Variants in REV3L observed in about 807,000 individuals in gnomAD.
REV3L encodes the protein DNA polymerase zeta catalytic subunit.
Under a neutral mutation model 299.4 loss-of-function variants are expected in REV3L, and 69 were observed. That is an observed-to-expected ratio of 0.23 (90% confidence interval 0.19 to 0.28). The LOEUF is 0.28. Among genes scored for constraint, REV3L ranks in the 10% least tolerant of loss-of-function variants. REV3L has a pLI of 1.00. For missense variants in REV3L, 3,128 were observed against 3,693.8 expected (o/e 0.85, Z 3.97); for synonymous variants, 1,238 against 1,271.4 (o/e 0.97, Z 0.56).
rs1793864458 is a variant in REV3L, at chr6:111,482,501, T to G, written c.139+249A>C. On this transcript the variant is annotated intron_variant, in intron 1 of 31. Transcript: ENST00000368802. ...CCGCTCCCGGCCGCCACACGCAGTC[T>G]AAACACGCGGCGCTCGCCACCTCCC... is the stretch of plus-strand genomic sequence containing the variant. Among the ~76,000 whole-genome samples, 3 of 150,018 alleles carry G rather than the reference T, an allele frequency of 2.0e-5. No homozygotes were observed. The East Asian group carries it at 6.1e-4, about 30-fold the overall frequency.
chr6:111,372,854 C>T lies in REV3L; in HGVS notation c.5501G>A (p.Cys1834Tyr), dbSNP rs1250656544. ...SPDGELVDVA[C>Y]EDLELYVSRN... ...TGAAACATACAGTTCTAAATCTTCA[C>T]AGGCCACGTCTACAAGTTCACCATC... The change falls in exon 13 of 32, where the codon TGT becomes TAT. Residue 1834 changes from cysteine (C) to tyrosine (Y), a missense_variant. Coordinates refer to ENST00000368802, the MANE Select transcript of REV3L (RefSeq NM_001372078.1). The T allele has an allele frequency of 1.2e-6, 2 of 1,614,142 alleles. No individual in the cohort carries two copies. The highest frequency in any genetic ancestry group is 1.7e-5 in the Admixed American group (1 of 60,018).
chr6:111,359,276 A>G (rs1229261740), intron 16 of REV3L, among the ~76,000 whole-genome samples: 2 of 152,142 alleles, frequency 1.3e-5, no homozygotes, highest in Admixed American at 6.5e-5. Context: ...TATATGCAGG[A>G]TCTCTCAATG....
chr6:111,408,246 TAA>T (rs1292264388), intron 3 of REV3L, among the ~76,000 whole-genome samples: 2 of 152,072 alleles, frequency 1.3e-5, no homozygotes, highest in East Asian at 1.9e-4. Flanking sequence ...AAGAAAGCCT[TAA>T]GAGAGCTTTA....
intron 21 of REV3L, among the ~76,000 whole-genome samples, chr6:111,342,694 C>G (rs1238958085): frequency 6.6e-6 from 1 of 150,872 alleles, no homozygotes; most frequent in Non-Finnish European, 1.5e-5. Flanking sequence ...ACAGGAAGAT[C>G]CAAAGACTGA....
chr6:111,360,227 T>C (rs1778506825), intron 16 of REV3L, among the ~76,000 whole-genome samples: 1 of 152,074 alleles, frequency 6.6e-6, no homozygotes, highest in Non-Finnish European at 1.5e-5. Context: ...ATCACTATAA[T>C]ACACTGATAC....
intron 26 of REV3L, chr6:111,315,632 T>G: frequency 2.2e-6 from 1 of 445,210 alleles, no homozygotes. Context: ...ATCCCAGTAG[T>G]CAAGAAAGTC....
intron 18 of REV3L, chr6:111,353,728 T>C (rs977234780): frequency 1.3e-5 from 2 of 152,184 alleles, no homozygotes; most frequent in Non-Finnish European, 2.9e-5. Context: ...TCCAGAAAGA[T>C]CCCAGGGCAC....
chr6:111,376,379 A>C lies in REV3L; in HGVS notation c.1976T>G (p.Ile659Ser), dbSNP rs999393043. ...TGGAATATCTTCTTCATAATCAAAA[A>C]TACTACTTTCACAGGAAGATACTGG... is the stretch of plus-strand genomic sequence containing the variant. ...ILPVSSCESSIFDYEEDIPSV... is the reference protein window; with the variant it reads ...ILPVSSCESSSFDYEEDIPSV... Residue 659 changes from isoleucine (I) to serine (S), a missense_variant, in exon 13 of 32, where the codon ATT (isoleucine) becomes AGT (serine). Physicochemically the swap from Ile to Ser is moderately radical, Grantham distance 142. Coordinates refer to ENST00000368802, the MANE Select transcript of REV3L (RefSeq NM_001372078.1). 1.2e-6 allele frequency: 2 copies of C among 1,612,546 alleles called. No individual in the cohort carries two copies. Among genetic ancestry groups the C allele is most frequent in the Non-Finnish European group, 8.5e-7 (1 of 1,179,560 alleles).
intron 1 of REV3L, among the ~76,000 whole-genome samples, chr6:111,479,434 G>T (rs1793342352): frequency 6.6e-6 from 1 of 150,986 alleles, no homozygotes; most frequent in South Asian, 2.1e-4. Flanking sequence ...GATTCCCTTA[G>T]GAATCAATAT....
At position 111,380,636 on chromosome 6, in the gene REV3L, A is replaced by T. The variant is rs17539546; in HGVS notation, c.1217-417T>A. 8.4e-4 allele frequency among the ~76,000 whole-genome samples: 128 copies of T among 152,366 alleles called. No individual in the cohort carries two copies. The East Asian group carries it at 0.016, about 20-fold the overall frequency. ...CATAGATACTGGCACAGGCTGAAAG[A>T]ATACAGTTGGTACAAAGGCTCAGGT... On this transcript the variant is annotated intron_variant, in intron 10 of 31. Coordinates refer to ENST00000368802, the MANE Select transcript of REV3L (RefSeq NM_001372078.1).
At chr6:111,351,399 C>T (rs1205974890) in intron 19 of REV3L, among the ~76,000 whole-genome samples, 3 of 151,796 alleles carry the variant, frequency 2.0e-5, no homozygotes, top group African/African-American at 4.8e-5. Context: ...ATGGAATATA[C>T]GGTATGATTA....
rs771021121 is a variant in REV3L at position 111,436,683 on chromosome 6, T to C, written c.140-20211A>G. ...TGATTAAGGGGTACAAATATAGAGT[T>C]TGATAGAAGAAACAAGACCTAGTGT... On this transcript the variant is annotated intron_variant, in intron 1 of 31. Transcript: ENST00000368802. 4.6e-5 allele frequency among the ~76,000 whole-genome samples: 7 copies of C among 152,014 alleles called. No individual in the cohort carries two copies. The East Asian group carries it at 9.6e-4, about 21-fold the overall frequency.
At chr6:111,467,306 T>C (rs774649967) in intron 1 of REV3L, among the ~76,000 whole-genome samples, 41 of 152,240 alleles carry the variant, frequency 2.7e-4, no homozygotes, top group Non-Finnish European at 5.3e-4. Flanking sequence ...TGCCACCTTC[T>C]TCCTGGCTTC....
chr6:111,419,968 C>T (rs912221919), intron 1 of REV3L, among the ~76,000 whole-genome samples: 2 of 152,088 alleles, frequency 1.3e-5, no homozygotes, highest in Admixed American at 1.3e-4. Context: ...CCTCAGCCTC[C>T]GGAGTAGCTG....
intron 26 of REV3L, chr6:111,315,765 T>C (rs1056317742): frequency 2.1e-5 from 4 of 188,198 alleles, no homozygotes; most frequent in Admixed American, 2.1e-4. Context: ...GTGGCAGCAT[T>C]AGATTCTCAT....
rs1261094585 is a variant in REV3L at position 111,405,646 on chromosome 6, A to G, written c.405-16T>C. The G allele has an allele frequency of 1.3e-6, 2 of 1,546,986 alleles. No individual in the cohort carries two copies. Among genetic ancestry groups the G allele is most frequent in the East Asian group, 4.6e-5 (2 of 43,658 alleles). On this transcript the variant is annotated splice_polypyrimidine_tract_variant and intron_variant, in intron 3 of 31. Transcript: ENST00000368802. ...TTCACATATCCTAAATTAGAAAAAA[A>G]AAGTTTTATCATAAAATTATGTTCC...
intron 1 of REV3L, among the ~76,000 whole-genome samples, chr6:111,424,150 TGACA>T (rs760550129): frequency 8.5e-5 from 13 of 152,266 alleles, no homozygotes; most frequent in Non-Finnish European, 1.6e-4. Context: ...ATGTGAAATG[TGACA>T]GACAGAGCCC....
chr6:111,440,354 C>A (rs950714436), intron 1 of REV3L, among the ~76,000 whole-genome samples: 1 of 152,212 alleles, frequency 6.6e-6, no homozygotes, highest in Non-Finnish European at 1.5e-5. Context: ...CAGGCGTGAG[C>A]CACCACGCCG....
intron 1 of REV3L, among the ~76,000 whole-genome samples, chr6:111,427,641 C>G (rs909647712): frequency 3.3e-5 from 5 of 152,136 alleles, no homozygotes; most frequent in Non-Finnish European, 7.4e-5. Flanking sequence ...CTGTCCAGCA[C>G]CAAGCATGCA....
Sources: gnomAD v4.1 joint callset for allele counts (sites outside exome capture counted in the v4.1 genomes callset) on GRCh38, gnomAD v4.1.1 for gene constraint, MANE v1.5 for transcripts, NCBI Gene and HGNC (gene_info 2026-07-23, HGNC 2026-07-21) for gene names.